FAM135B: variants seen among roughly 807,000 people sequenced by gnomAD.
FAM135B encodes family with sequence similarity 135 member B.
A neutral mutation model predicts 127.7 loss-of-function variants in FAM135B; 43 were observed. That is an observed-to-expected ratio of 0.34 (90% CI 0.26 to 0.43). The LOEUF is 0.43. Among genes scored for constraint, FAM135B ranks in the 20% least tolerant of loss-of-function variants. The pLI, the probability that FAM135B is intolerant of heterozygous loss-of-function variation, is 1.00. For missense variants in FAM135B, 1,558 were observed against 1,725.6 expected, an observed-to-expected ratio of 0.90 and a Z score of 1.72; for synonymous variants, 670 against 665.1, an observed-to-expected ratio of 1.01 and a Z score of -0.11.
chr8:138,157,141 C>T (rs999980701), intron 12 of FAM135B, among the ~76,000 whole-genome samples: 28 of 152,216 alleles, frequency 1.8e-4, no homozygotes, highest in African/African-American at 6.8e-4. Flanking sequence ...GCTGGTTCAA[C>T]ATATGCAAAT....
At chr8:138,283,627 C>T (rs189623773) in intron 3 of FAM135B, among the ~76,000 whole-genome samples, 2 of 152,066 alleles carry the variant, frequency 1.3e-5, no homozygotes, top group East Asian at 3.9e-4. Flanking sequence ...GATAATGATG[C>T]ACCAATGTAA....
At chr8:138,226,502 G>C (rs542776860) in intron 7 of FAM135B, among the ~76,000 whole-genome samples, 1 of 152,186 alleles carries the variant, frequency 6.6e-6, no homozygotes, top group Non-Finnish European at 1.5e-5. Context: ...AGTGTGTGCA[G>C]CATGTGCAAA....
At chr8:138,215,613 G>A (rs1419659556) in intron 7 of FAM135B, among the ~76,000 whole-genome samples, 6 of 152,172 alleles carry the variant, frequency 3.9e-5, no homozygotes, top group African/African-American at 1.2e-4. Flanking sequence ...TTGCAGAGGC[G>A]TTATCAGAAA....
intron 4 of FAM135B, among the ~76,000 whole-genome samples, chr8:138,257,834 G>T (rs1253997980): frequency 6.6e-6 from 1 of 150,984 alleles, no homozygotes; most frequent in East Asian, 1.9e-4. Flanking sequence ...TACAATTCAG[G>T]CAATTTCATA....
rs901165103 is a variant in FAM135B, at chr8:138,259,294, C to T, written c.298-2535G>A. Among the ~76,000 whole-genome samples the T allele has an allele frequency of 2.5e-4, 38 of 152,190 alleles. 1 individual carries two copies. The highest frequency in any genetic ancestry group is 8.0e-4 in the African/African-American group (33 of 41,450). ...TTAGCTACTAACTTGAGCTTTGTCACAGCGTGATGGCTAAGAGGGCAGCTT... is the reference window on the plus strand; with the variant it reads ...TTAGCTACTAACTTGAGCTTTGTCATAGCGTGATGGCTAAGAGGGCAGCTT... On this transcript the variant is annotated intron_variant, in intron 4 of 19. Coordinates refer to ENST00000395297, the MANE Select transcript of FAM135B (RefSeq NM_015912.4).
chr8:138,187,632 A>G (rs1012333956), intron 9 of FAM135B, among the ~76,000 whole-genome samples: 1 of 152,216 alleles, frequency 6.6e-6, no homozygotes, highest in Non-Finnish European at 1.5e-5. Flanking sequence ...ACATACATAC[A>G]TATCTCTCTC....
At position 138,284,028 on chromosome 8, in the gene FAM135B, G is replaced by A. The variant is rs146596369; in HGVS notation, c.158-18186C>T. ...TGTGTATAGGGTGTGGGTGGTATAC[G>A]GGAAATCTCTGGACCTTCCCCTCAA... On this transcript the variant is annotated intron_variant, in intron 3 of 19. Transcript: ENST00000395297. Among the ~76,000 whole-genome samples, 1,425 of 151,988 alleles carry A rather than the reference G, an allele frequency of 9.4e-3. 17 individuals carry two copies. The highest frequency in any genetic ancestry group is 0.012 in the Admixed American group (187 of 15,268).
chr8:138,167,353 G>A lies in FAM135B; in HGVS notation c.1258+542C>T, dbSNP rs111364243. Among the ~76,000 whole-genome samples the A allele has an allele frequency of 8.3e-3, 1,263 of 152,106 alleles. 7 individuals carry two copies. The highest frequency in any genetic ancestry group is 0.012 in the Non-Finnish European group (834 of 68,008). On this transcript the variant is annotated intron_variant, in intron 12 of 19. Coordinates refer to ENST00000395297, the MANE Select transcript of FAM135B (RefSeq NM_015912.4). Reference sequence around the variant, plus strand: ...TGGGATTACAGGTGTCCGCCACCACGCCCAGCTCATTTTTGTATTTTTAGT... The same window carrying A: ...TGGGATTACAGGTGTCCGCCACCACACCCAGCTCATTTTTGTATTTTTAGT...
intron 1 of FAM135B, among the ~76,000 whole-genome samples, chr8:138,388,676 T>C (rs1363595611): frequency 6.6e-6 from 1 of 152,168 alleles, no homozygotes; most frequent in Non-Finnish European, 1.5e-5. Context: ...TCCAAATATA[T>C]GATGTTGTAG....
intron 2 of FAM135B, among the ~76,000 whole-genome samples, chr8:138,363,456 C>T (rs1187019471): frequency 1.3e-5 from 2 of 152,126 alleles, no homozygotes; most frequent in Non-Finnish European, 2.9e-5. Flanking sequence ...GACCCCAAAG[C>T]CAGGTCCTCA....
chr8:138,370,150 T>C (rs762057243), intron 1 of FAM135B, among the ~76,000 whole-genome samples: 8 of 152,184 alleles, frequency 5.3e-5, no homozygotes, highest in Non-Finnish European at 1.2e-4. Context: ...GGGTTTTCCA[T>C]CTCCTGCACT....
intron 9 of FAM135B, among the ~76,000 whole-genome samples, chr8:138,184,655 G>A (rs1427355500): frequency 1.3e-5 from 2 of 152,134 alleles, no homozygotes; most frequent in African/African-American, 4.8e-5. Flanking sequence ...AGAAAAGACC[G>A]GGCAGAGAAG....
chr8:138,234,165 TG>T lies in FAM135B; in HGVS notation c.669+8776del, dbSNP rs1820103054. Among the ~76,000 whole-genome samples, 4 of 152,232 alleles carry T rather than the reference TG, an allele frequency of 2.6e-5. No individual in the cohort carries two copies. In the South Asian group the frequency reaches 8.3e-4, roughly 32 times the overall value. On this transcript the variant is annotated intron_variant, in intron 7 of 19. Transcript: ENST00000395297. ...TTAAAAGACTCAAATGAATTAAACT[TG>T]TCAACACTTATCTTGTAAAAAAAAG...
intron 3 of FAM135B, chr8:138,309,094 C>T (rs1186340060): frequency 2.4e-6 from 1 of 419,472 alleles, no homozygotes; most frequent in African/African-American, 2.1e-5. Context: ...ATGAAGAATG[C>T]ATTTTTATCC....
intron 1 of FAM135B, among the ~76,000 whole-genome samples, chr8:138,420,965 T>A (rs181617173): frequency 6.6e-6 from 1 of 152,254 alleles, no homozygotes; most frequent in African/African-American, 2.4e-5. Context: ...ACCACAACTA[T>A]TTAACATAGT....
At chr8:138,475,106 T>A (rs55968500) in intron 1 of FAM135B, among the ~76,000 whole-genome samples, 95,939 of 151,476 alleles carry the variant, frequency 0.63, 31,334 homozygotes, top group East Asian at 0.99. Flanking sequence ...AAGTATATCC[T>A]TAGCTTATAT....
At chr8:138,277,669 G>A (rs1432093339) in intron 3 of FAM135B, among the ~76,000 whole-genome samples, 3 of 152,074 alleles carry the variant, frequency 2.0e-5, no homozygotes, top group African/African-American at 7.2e-5. Flanking sequence ...CAGGGAGTAG[G>A]GCCTTGAGAA....
intron 14 of FAM135B, 90 bp from the exon 15 acceptor site, chr8:138,146,140 C>A: frequency 1.5e-6 from 1 of 685,408 alleles, no homozygotes; most frequent in South Asian, 1.9e-5. Flanking sequence ...CTCCCTCTTT[C>A]CCCATTTCTA....
intron 2 of FAM135B, among the ~76,000 whole-genome samples, chr8:138,346,345 T>C (rs1829408502): frequency 6.6e-6 from 1 of 152,222 alleles, no homozygotes; most frequent in Non-Finnish European, 1.5e-5. Context: ...TAAAGGTACA[T>C]GCACATGTTT....
Sources: allele counts gnomAD v4.1 joint callset (sites outside exome capture counted in the v4.1 genomes callset), GRCh38; gene constraint gnomAD v4.1.1; transcripts MANE v1.5; gene names NCBI Gene and HGNC (gene_info 2026-07-23, HGNC 2026-07-21).